Variants in DMBT1 observed in about 807,000 individuals in gnomAD.
DMBT1 encodes the protein deleted in malignant brain tumors 1.
Under a neutral mutation model 252.9 loss-of-function variants are expected in DMBT1, and 198 were observed. The observed-to-expected ratio is 0.78, with a 90% CI of 0.70 to 0.88. The LOEUF is 0.88. Among genes scored for constraint, DMBT1 ranks in the 40% least tolerant of loss-of-function variants. The pLI is 0.00. For missense variants in DMBT1, 2,432 were observed against 2,404.7 expected, an observed-to-expected ratio of 1.01 and a Z score of -0.24; for synonymous variants, 990 against 942.7, an observed-to-expected ratio of 1.05 and a Z score of -0.92.
Position 122,640,216 on chromosome 10 carries a change from G to C in DMBT1, c.7119G>C (p.Gln2373His), listed in dbSNP as rs560191790. 6.2e-7 allele frequency: 1 copy of C among 1,614,026 alleles called. No individual in the cohort carries two copies. The highest frequency in any genetic ancestry group is 2.2e-5 in the East Asian group (1 of 44,882). Residue 2373 changes from glutamine (Q) to histidine (H), a missense_variant, in exon 55 of 56, where the codon CAG becomes CAC. Gln to His is a conservative substitution (Grantham distance 24). Coordinates refer to ENST00000338354, the MANE Select transcript of DMBT1 (RefSeq NM_001377530.1). Reference protein sequence around the residue: ...DTIHVANNTIQVEEVQYGNFD... With the variant: ...DTIHVANNTIHVEEVQYGNFD... ...TCCACGTTGCTAATAACACCATCCA[G>C]GTCGAGGAAGTCCAGTATGGCAATT...
rs115205066 is a variant in DMBT1 at position 122,586,297 on chromosome 10, A to G, written c.1697A>G (p.Asn566Ser). ...CTGGATGACGTGCGCTGCTCAGGGA[A>G]TGAGTCCTACTTGTGGAGCTGCCCC... Reference protein sequence around the residue: ...IVLDDVRCSGNESYLWSCPHN... With the variant: ...IVLDDVRCSGSESYLWSCPHN... The change falls in exon 16 of 56, where the codon AAT becomes AGT. Residue 566 changes from asparagine to serine, a missense_variant. Asn to Ser is a conservative substitution (Grantham distance 46). Transcript: ENST00000338354. 6.3e-4 allele frequency: 1,002 copies of G among 1,588,604 alleles called. 49 individuals carry two copies. The African/African-American group carries it at 0.01, about 16-fold the overall frequency.
intron 2 of DMBT1, among the ~76,000 whole-genome samples, chr10:122,567,572 T>C (rs2097607736): frequency 6.6e-6 from 1 of 152,118 alleles, no homozygotes; most frequent in African/African-American, 2.4e-5. Flanking sequence ...TTTCTCATAA[T>C]CTCAAACTCA....
At chr10:122,616,991 C>G (rs1320467613) in intron 39 of DMBT1, among the ~76,000 whole-genome samples, 4 of 129,858 alleles carry the variant, frequency 3.1e-5, no homozygotes, top group African/African-American at 9.4e-5. Context: ...CATCCTCTAA[C>G]AGATAGAAAG....
Position 122,592,333 on chromosome 10 carries a change from A to G in DMBT1, c.2238A>G (p.Val746=), listed in dbSNP as rs199506530. 1.2e-4 allele frequency: 183 copies of G among 1,588,040 alleles called. 17 individuals are homozygous for G. The highest frequency in any genetic ancestry group is 1.4e-4 in the Non-Finnish European group (166 of 1,165,698). ...GAAGTGACAGGTGTCAGGGCCGAGT[A>G]GAGGTCCTATACCGAGGCTCCTGGG... The part of the protein sequence containing the change: ...VNGSDRCQGR[V]EVLYRGSWGT... The change falls in exon 20 of 56, where the codon GTA becomes GTG. Residue 746 remains valine, a synonymous_variant. Coordinates refer to ENST00000338354, the MANE Select transcript of DMBT1 (RefSeq NM_001377530.1).
Position 122,621,109 on chromosome 10 carries a change from A to G in DMBT1, c.5337A>G (p.Arg1779=), listed in dbSNP as rs926153302. 14 of 1,613,654 alleles carry G rather than the reference A, an allele frequency of 8.7e-6. No individual in the cohort carries two copies. Among genetic ancestry groups the G allele is most frequent in the Non-Finnish European group, 1.2e-5 (14 of 1,179,728 alleles). Residue 1779 remains arginine (R), a synonymous_variant, in exon 44 of 56, where the codon CGA becomes CGG. Coordinates refer to ENST00000338354, the MANE Select transcript of DMBT1 (RefSeq NM_001377530.1). ...TGGTGAATGGAGGTGACAGGTGTCG[A>G]GGCCGAGTGGAGGTCCTGTATCGAG... is the stretch of plus-strand genomic sequence containing the variant. ...LRLVNGGDRC[R]GRVEVLYRGS...
In DMBT1 at chr10:122,618,023, A is replaced by C; in HGVS notation, c.4898A>C (p.Glu1633Ala). 6.2e-7 allele frequency: 1 copy of C among 1,612,800 alleles called. No homozygotes were observed. Among genetic ancestry groups the C allele is most frequent in the Admixed American group, 1.7e-5 (1 of 60,010 alleles). ...TTCTTGTGTTCCCCTGTAGGATCTGAATCCACTTTGGCCCTGAGACTGGTG... is the reference window on the plus strand; with the variant it reads ...TTCTTGTGTTCCCCTGTAGGATCTGCATCCACTTTGGCCCTGAGACTGGTG... ...PTSRASTAGS[E>A]STLALRLVNG... is the part of the protein sequence containing the mutation. Residue 1633 changes from glutamate to alanine, a missense_variant, in exon 41 of 56, where the codon GAA becomes GCA. This residue lies in a region of DMBT1 where 1,162 missense variants were observed against 1,169.0 expected (regional missense o/e 0.99). Coordinates refer to ENST00000338354, the MANE Select transcript of DMBT1 (RefSeq NM_001377530.1).
intron 46 of DMBT1, among the ~76,000 whole-genome samples, chr10:122,628,167 G>A (rs1232342252): frequency 6.6e-6 from 1 of 152,158 alleles, no homozygotes; most frequent in Non-Finnish European, 1.5e-5. Context: ...TGTATTCCTA[G>A]GTATATACCC....
intron 1 of DMBT1, among the ~76,000 whole-genome samples, chr10:122,561,376 A>G (rs1011001738): frequency 6.6e-6 from 1 of 152,220 alleles, no homozygotes; most frequent in Admixed American, 6.5e-5. Flanking sequence ...TCTGTCATGC[A>G]CAGCTTTAAA....
intron 27 of DMBT1, among the ~76,000 whole-genome samples, 156 bp from the exon 28 acceptor site, chr10:122,600,835 C>A (rs1009844349): frequency 6.6e-6 from 1 of 152,114 alleles, no homozygotes; most frequent in Admixed American, 6.6e-5. Context: ...TGGATGAGTT[C>A]ACAGCAGAGG....
In DMBT1 at chr10:122,586,050, T is replaced by C; in HGVS notation, c.1460-10T>C. On this transcript the variant is annotated splice_polypyrimidine_tract_variant and intron_variant, in intron 15 of 55. Transcript: ENST00000338354. ...AGGGATGGATGAAGGGTTCTTGTTT[T>C]CCCCTGTAGGATCTGAATCCAGTTT... 1 of 1,588,386 alleles carries C rather than the reference T, an allele frequency of 6.3e-7. No individual in the cohort carries two copies. The highest frequency in any genetic ancestry group is 8.6e-7 in the Non-Finnish European group (1 of 1,165,920).
At chr10:122,600,147 C>G in intron 27 of DMBT1, 54 bp downstream of exon 27, 1 of 1,582,604 alleles carries the variant, frequency 6.3e-7, no homozygotes, top group East Asian at 2.3e-5. Context: ...GCCCAATCAC[C>G]CCTTCCACAC....
Position 122,579,553 on chromosome 10 carries a change from G to A in DMBT1, c.680-25G>A, listed in dbSNP as rs1429726860. 3.7e-6 allele frequency: 6 copies of A among 1,612,274 alleles called. No homozygotes were observed. The Admixed American group carries it at 1.0e-4, about 27-fold the overall frequency. On this transcript the variant is annotated intron_variant, in intron 9 of 55. Transcript: ENST00000338354. The stretch of plus-strand genomic sequence containing the variant: ...TCTTGACCTCATGATAGGGATGGAT[G>A]AAGGGTTCTTGTGTTCCCCTGTAGG...
chr10:122,617,367 C>G, intron 40 of DMBT1, 107 bp downstream of exon 40: 1 of 1,375,294 alleles, frequency 7.3e-7, no homozygotes, highest in Non-Finnish European at 1.0e-6. Context: ...TTTCATGTCC[C>G]TGTGGGTTGG....
intron 54 of DMBT1, among the ~76,000 whole-genome samples, chr10:122,639,284 A>G (rs1844061998): frequency 6.6e-6 from 1 of 152,222 alleles, no homozygotes. Flanking sequence ...GCATCTTTGA[A>G]AGAGTAAGAA....
Position 122,579,787 on chromosome 10 carries a change from G to A in DMBT1, c.889G>A (p.Val297Ile). ...GTTTGGCCAGGGCTCAGGACCCATT[G>A]TCCTGGATGATGTGCGCTGCTCAGG... ...AQFGQGSGPIVLDDVRCSGHE... is the reference protein window; with the variant it reads ...AQFGQGSGPIILDDVRCSGHE... The change falls in exon 10 of 56, where the codon GTC (valine) becomes ATC (isoleucine). Residue 297 changes from valine (V) to isoleucine (I), a missense_variant. Physicochemically the swap from Val to Ile is conservative, Grantham distance 29. Around this residue, in one of 3 missense-constraint regions of DMBT1, gnomAD observed 1,264 missense variants for 1,082.2 expected, o/e 1.17. Transcript: ENST00000338354. 1 of 1,607,436 alleles carries A rather than the reference G, an allele frequency of 6.2e-7. No homozygotes were observed. Among genetic ancestry groups the A allele is most frequent in the Non-Finnish European group, 8.5e-7 (1 of 1,173,854 alleles).
At chr10:122,617,899 A>G (rs2098012293) in intron 40 of DMBT1, 118 bp from the exon 41 acceptor site, 3 of 1,517,796 alleles carry the variant, frequency 2.0e-6, no homozygotes, top group Admixed American at 3.6e-5. Context: ...GTTGTATGCA[A>G]TTGTGACTGC....
In DMBT1 at chr10:122,579,670, G is replaced by A. The variant is rs765847530; in HGVS notation, c.772G>A (p.Val258Met). Reference protein sequence around the residue: ...EVLYRGSWGTVCDDYWDTNDA... With the variant: ...EVLYRGSWGTMCDDYWDTNDA... ...CCTATACCGAGGCTCCTGGGGCACCGTGTGTGATGACTACTGGGACACCAA... is the reference window on the plus strand; with the variant it reads ...CCTATACCGAGGCTCCTGGGGCACCATGTGTGATGACTACTGGGACACCAA... Residue 258 changes from valine (V) to methionine (M), a missense_variant, in exon 10 of 56, where the codon GTG becomes ATG. Physicochemically the swap from Val to Met is conservative, Grantham distance 21. Coordinates refer to ENST00000338354, the MANE Select transcript of DMBT1 (RefSeq NM_001377530.1). The A allele has an allele frequency of 9.9e-6, 16 of 1,613,748 alleles. No homozygotes were observed. In the East Asian group the frequency reaches 1.8e-4, roughly 18 times the overall value.
chr10:122,585,423 G>A, intron 15 of DMBT1, 114 bp downstream of exon 15: 2 of 1,340,666 alleles, frequency 1.5e-6, no homozygotes, highest in South Asian at 1.4e-5. Context: ...TCATGTCCCT[G>A]TGGGTTGCAT....
rs2098115908 is a variant in DMBT1 at position 122,625,948 on chromosome 10, C to T, written c.5651C>T (p.Thr1884Ile). 6.2e-7 allele frequency: 1 copy of T among 1,611,156 alleles called. No homozygotes were observed. Among genetic ancestry groups the T allele is most frequent in the South Asian group, 1.1e-5 (1 of 91,032 alleles). ...TTTTTTCTAGATTGGTGGCATCCAA[C>T]AACTACAACCACTGCAAGTAGGTAT... ...NSTTTDWWHP[T>I]TTTTARPSSN... The change falls in exon 46 of 56, where the codon ACA (threonine) becomes ATA (isoleucine). Residue 1884 changes from threonine to isoleucine, a missense_variant. This residue lies in a region of DMBT1 where 1,162 missense variants were observed against 1,169.0 expected (regional missense o/e 0.99). Coordinates refer to ENST00000338354, the MANE Select transcript of DMBT1 (RefSeq NM_001377530.1).
Sources: gnomAD v4.1 joint callset for allele counts (sites outside exome capture counted in the v4.1 genomes callset) on GRCh38, gnomAD v4.1.1 for gene constraint, gnomAD v4.1.1 regional missense constraint, MANE v1.5 for transcripts, NCBI Gene and HGNC (gene_info 2026-07-23, HGNC 2026-07-21) for gene names.